Variants in COL28A1 observed in about 807,000 individuals in gnomAD.
COL28A1 encodes the protein collagen alpha-1(XXVIII) chain.
A neutral mutation model predicts 150.2 loss-of-function variants in COL28A1; 161 were observed. The observed-to-expected ratio is 1.07, with a 90% confidence interval of 0.94 to 1.22. The LOEUF (loss-of-function observed/expected upper bound fraction) is 1.22, where lower values mean the gene tolerates loss of function less well. Among genes scored for constraint, COL28A1 ranks in the 50% most tolerant of loss-of-function variants. The pLI, the probability that COL28A1 is intolerant of heterozygous loss-of-function variation, is 0.00. For missense variants in COL28A1, 1,617 were observed against 1,388.3 expected (o/e 1.16, Z -2.62); for synonymous variants, 552 against 469.7 (o/e 1.18, Z -2.26).
In COL28A1 at chr7:7,453,345, C is replaced by T. The variant is rs939630837; in HGVS notation, c.1440+95G>A. 5 of 784,048 alleles carry T rather than the reference C, an allele frequency of 6.4e-6. No individual in the cohort carries two copies. In the African/African-American group the frequency reaches 7.0e-5, roughly 11 times the overall value. 48.6% of individuals were successfully genotyped at this position (784,048 alleles called of 1,614,324 possible). The stretch of plus-strand genomic sequence containing the variant: ...AGTAGAGATCTCTGATTTTTAAGTT[C>T]ATTCTACCTGCTGTCTTCCCTTGCA... On this transcript the variant is annotated intron_variant, in intron 17 of 34. Transcript: ENST00000399429.
At position 7,358,438 on chromosome 7, in the gene COL28A1, C is replaced by T; in HGVS notation, c.*195G>A. On this transcript the variant is annotated 3_prime_UTR_variant, in exon 35 of 35. Coordinates refer to ENST00000399429, the MANE Select transcript of COL28A1 (RefSeq NM_001037763.3). ...TGACAGTTGACAAGTTACTAAACTTCTCAGAGCCTCAGCTTTCTTACCTAT... is the reference window on the plus strand; with the variant it reads ...TGACAGTTGACAAGTTACTAAACTTTTCAGAGCCTCAGCTTTCTTACCTAT... 4.2e-6 allele frequency: 2 copies of T among 476,936 alleles called. No homozygotes were observed. Among genetic ancestry groups the T allele is most frequent in the Middle Eastern group, 5.4e-4 (1 of 1,850 alleles). The allele number at this position is 476,936 out of a possible 1,614,324, so 29.5% of individuals were successfully genotyped here.
chr7:7,485,209 A>T (rs1302460529), intron 13 of COL28A1, among the ~76,000 whole-genome samples: 1 of 152,210 alleles, frequency 6.6e-6, no homozygotes, highest in Non-Finnish European at 1.5e-5. Context: ...ATACAAGTAT[A>T]TGTACACATA....
intron 32 of COL28A1, 73 bp downstream of exon 32, chr7:7,372,925 G>T: frequency 7.4e-7 from 1 of 1,343,162 alleles, no homozygotes; most frequent in Non-Finnish European, 1.0e-6. Context: ...TATTTGGTCA[G>T]GACAAACCAG....
intron 27 of COL28A1, among the ~76,000 whole-genome samples, chr7:7,407,086 A>G (rs1433571118): frequency 6.6e-6 from 1 of 152,110 alleles, no homozygotes; most frequent in Admixed American, 6.6e-5. Context: ...CTGAAGAAAG[A>G]TTTAATGAAC....
At position 7,373,206 on chromosome 7, in the gene COL28A1, C is replaced by T; in HGVS notation, c.2700G>A (p.Leu900=). The part of the protein sequence containing the change: ...DARPGVKKVA[L]VITDGQTDSR... ...AATCTGTCTGTCCATCAGTGATGAC[C>T]AAGGCCACTTTTTTTACACCTGGCC... The change falls in exon 32 of 35, where the codon TTG becomes TTA. Residue 900 remains leucine (L), a synonymous_variant. Coordinates refer to ENST00000399429, the MANE Select transcript of COL28A1 (RefSeq NM_001037763.3). The surrounding 1 kb of genome is among the most constrained non-coding windows in gnomAD (Gnocchi z 4.1). 3 of 1,614,066 alleles carry T rather than the reference C, an allele frequency of 1.9e-6. No individual in the cohort carries two copies. The highest frequency in any genetic ancestry group is 1.1e-5 in the South Asian group (1 of 91,082).
chr7:7,423,560 T>A (rs868703106), intron 25 of COL28A1, among the ~76,000 whole-genome samples: 1 of 60,652 alleles, frequency 1.6e-5, no homozygotes, highest in Middle Eastern at 0.012. Flanking sequence ...GTTACATAAT[T>A]TTTTTTTTAA....
the COL28A1 span, among the ~76,000 whole-genome samples, chr7:7,343,801 A>C: frequency 6.6e-6 from 1 of 151,970 alleles, no homozygotes; most frequent in African/African-American, 2.4e-5. Flanking sequence ...TGAGGCCAGG[A>C]GTTTGAGACT....
At chr7:7,399,660 T>C (rs1445864313) in intron 27 of COL28A1, among the ~76,000 whole-genome samples, 1 of 152,084 alleles carries the variant, frequency 6.6e-6, no homozygotes, top group Non-Finnish European at 1.5e-5. Context: ...AAAATAGGGA[T>C]ACATGGAAAA....
chr7:7,375,291 C>T (rs1468339464), intron 31 of COL28A1, among the ~76,000 whole-genome samples, 170 bp downstream of exon 31: 2 of 152,144 alleles, frequency 1.3e-5, no homozygotes, highest in Non-Finnish European at 2.9e-5. Flanking sequence ...ATCAGGATTC[C>T]CACAGTCTCT....
chr7:7,376,185 A>G (rs1164399338), intron 30 of COL28A1, among the ~76,000 whole-genome samples: 1 of 151,738 alleles, frequency 6.6e-6, no homozygotes, highest in Non-Finnish European at 1.5e-5. Context: ...AAGTAACTAC[A>G]ATGAGACTAG....
intron 21 of COL28A1, among the ~76,000 whole-genome samples, 163 bp downstream of exon 21, chr7:7,440,627 T>C (rs1189765553): frequency 1.3e-5 from 2 of 152,262 alleles, no homozygotes; most frequent in African/African-American, 4.8e-5. Flanking sequence ...TATTGTGGTC[T>C]GGGAATAGTA....
intron 3 of COL28A1, among the ~76,000 whole-genome samples, chr7:7,527,069 T>C (rs772015584): frequency 1.3e-5 from 2 of 152,238 alleles, no homozygotes; most frequent in Non-Finnish European, 2.9e-5. Flanking sequence ...TCTTTAGAAA[T>C]ATGTGGCATA....
At chr7:7,421,659 T>A (rs1439052888) in intron 25 of COL28A1, among the ~76,000 whole-genome samples, 2 of 152,216 alleles carry the variant, frequency 1.3e-5, no homozygotes, top group Non-Finnish European at 2.9e-5. Flanking sequence ...CATCTTTTAA[T>A]TTACTTTCTA....
At chr7:7,487,946 G>A (rs1349543918) in intron 13 of COL28A1, among the ~76,000 whole-genome samples, 1 of 152,146 alleles carries the variant, frequency 6.6e-6, no homozygotes, top group Non-Finnish European at 1.5e-5. Context: ...GAGGAGAAAT[G>A]AGGTCTCTGG....
intron 27 of COL28A1, among the ~76,000 whole-genome samples, chr7:7,417,185 C>T (rs1784129520): frequency 6.6e-6 from 1 of 151,782 alleles, no homozygotes; most frequent in African/African-American, 2.4e-5. Context: ...ATGAGAGACC[C>T]TGAGAGTCCC....
chr7:7,478,912 C>A (rs1428502673), intron 13 of COL28A1, among the ~76,000 whole-genome samples: 1 of 152,248 alleles, frequency 6.6e-6, no homozygotes, highest in Admixed American at 6.5e-5. Context: ...TGGTTCCACC[C>A]GTGCCTCTCC....
intron 30 of COL28A1, among the ~76,000 whole-genome samples, chr7:7,376,406 G>A (rs1781544260): frequency 6.6e-6 from 1 of 152,046 alleles, no homozygotes; most frequent in South Asian, 2.1e-4. Flanking sequence ...GAATATGTGG[G>A]GAATATTCAT....
Position 7,531,867 on chromosome 7 carries a change from G to A in COL28A1, c.162C>T (p.Asp54=), listed in dbSNP as rs201148305. ...GGGCAATTTTAGAACTTTCAGAGCT[G>A]TCCACGATGAAGACAATATCTATGA... ...ICFIDIVFIV[D]SSESSKIALF... Residue 54 remains aspartate (D), a synonymous_variant, in exon 3 of 35, where the codon GAC becomes GAT. Transcript: ENST00000399429. The A allele has an allele frequency of 6.2e-7, 1 of 1,608,958 alleles. No homozygotes were observed. The highest frequency in any genetic ancestry group is 8.5e-7 in the Non-Finnish European group (1 of 1,175,540).
At chr7:7,483,993 G>T (rs1267823531) in intron 13 of COL28A1, among the ~76,000 whole-genome samples, 4 of 151,902 alleles carry the variant, frequency 2.6e-5, no homozygotes, top group Non-Finnish European at 4.4e-5. Context: ...TTATCCAATT[G>T]CAACCAAATA....
Sources: gnomAD v4.1 joint callset for allele counts (sites outside exome capture counted in the v4.1 genomes callset) on GRCh38, gnomAD v4.1.1 for gene constraint, Gnocchi (gnomAD v3.1) non-coding constraint, MANE v1.5 for transcripts, NCBI Gene and HGNC (gene_info 2026-07-23, HGNC 2026-07-21) for gene names.